Variants in RFC1 observed in about 807,000 individuals in gnomAD.
The protein encoded by RFC1 is A1 140 kDa subunit.
RFC1 carries 37 observed loss-of-function variants against 137.4 expected under a neutral mutation model. That is an observed-to-expected ratio of 0.27 (90% CI 0.21 to 0.35). The LOEUF is 0.35. RFC1 is among the 10% of genes least tolerant of loss of function. The pLI, the probability that RFC1 is intolerant of heterozygous loss-of-function variation, is 1.00. For missense variants in RFC1, 1,205 were observed against 1,358.5 expected, an observed-to-expected ratio of 0.89 and a Z score of 1.78; for synonymous variants, 429 against 455.7, an observed-to-expected ratio of 0.94 and a Z score of 0.75.
At chr4:39,291,939 G>A (rs1197699373) in intron 22 of RFC1, 87 bp from the exon 23 acceptor site, 22 of 942,512 alleles carry the variant, frequency 2.3e-5, no homozygotes, top group Non-Finnish European at 3.8e-5. Flanking sequence ...TAATCAGGCA[G>A]AGTTCAATCC....
intron 1 of RFC1, among the ~76,000 whole-genome samples, chr4:39,363,732 A>T (rs535741790): frequency 6.6e-6 from 1 of 152,098 alleles, no homozygotes; most frequent in South Asian, 2.1e-4. Context: ...TACTAAAAAT[A>T]AAAAAATAAA....
intron 22 of RFC1, among the ~76,000 whole-genome samples, chr4:39,293,712 G>A (rs1366393771): frequency 6.6e-6 from 1 of 152,226 alleles, no homozygotes; most frequent in East Asian, 1.9e-4. Flanking sequence ...TGAGGGAAGA[G>A]GACAGTGAAG....
At chr4:39,290,155 T>G in intron 23 of RFC1, 116 bp from the exon 24 acceptor site, 1 of 640,828 alleles carries the variant, frequency 1.6e-6, no homozygotes, top group Non-Finnish European at 2.7e-6. Context: ...AAAGTATTTA[T>G]GTATATACAT....
chr4:39,324,982 G>C (rs568888354), intron 6 of RFC1, among the ~76,000 whole-genome samples: 1 of 152,316 alleles, frequency 6.6e-6, no homozygotes, highest in East Asian at 1.9e-4. Context: ...GCTTCTGTAA[G>C]ATATCAACCT....
chr4:39,309,808 T>C (rs1177603432), intron 12 of RFC1, among the ~76,000 whole-genome samples: 1 of 152,214 alleles, frequency 6.6e-6, no homozygotes, highest in Non-Finnish European at 1.5e-5. Context: ...TAAGGGTGGA[T>C]TTTATAGTAT....
chr4:39,354,749 C>CAAAA (rs34342477), intron 1 of RFC1, among the ~76,000 whole-genome samples: 10 of 51,006 alleles, frequency 2.0e-4, no homozygotes, highest in East Asian at 7.0e-4. Context: ...GAAACTATCT[C>CAAAA]AAAAAAAAAA....
At chr4:39,365,462 C>G (rs1741977925) in intron 1 of RFC1, 1 of 985,084 alleles carries the variant, frequency 1.0e-6, no homozygotes, top group East Asian at 1.1e-4. Flanking sequence ...ATTGCCATAC[C>G]ATCAGGAATG....
At position 39,296,872 on chromosome 4, in the gene RFC1, A is replaced by G. The variant is rs770078657; in HGVS notation, c.2809-1113T>C. On this transcript the variant is annotated intron_variant, in intron 21 of 24. Transcript: ENST00000349703. ...GAACTAGTTTACAGTCCCACCAACA[A>G]TGTAAAAGTGTTCCTATTTCTCCAC... is the stretch of plus-strand genomic sequence containing the variant. 3.9e-4 allele frequency among the ~76,000 whole-genome samples: 59 copies of G among 150,748 alleles called. No individual in the cohort carries two copies. The East Asian group carries it at 0.01, about 26-fold the overall frequency.
At chr4:39,312,462 G>T (rs999252373) in intron 11 of RFC1, among the ~76,000 whole-genome samples, 1 of 151,886 alleles carries the variant, frequency 6.6e-6, no homozygotes, top group Non-Finnish European at 1.5e-5. Flanking sequence ...GAATACTTCG[G>T]ACTGGAAGAA....
chr4:39,345,139 T>C (rs1740784938), intron 3 of RFC1, among the ~76,000 whole-genome samples: 1 of 152,146 alleles, frequency 6.6e-6, no homozygotes, highest in Admixed American at 6.6e-5. Context: ...CTCAGCCTCC[T>C]GAGTAGCTGG....
At chr4:39,312,233 A>G (rs1441160236) in intron 11 of RFC1, among the ~76,000 whole-genome samples, 1 of 152,208 alleles carries the variant, frequency 6.6e-6, no homozygotes, top group Non-Finnish European at 1.5e-5. Flanking sequence ...AGTTAACACA[A>G]TAAGGACAGA....
chr4:39,309,364 TC>T (rs985848096), intron 12 of RFC1, among the ~76,000 whole-genome samples: 1 of 152,200 alleles, frequency 6.6e-6, no homozygotes, highest in African/African-American at 2.4e-5. Context: ...AGTTAATGCC[TC>T]GACAAAAACT....
At position 39,366,286 on chromosome 4, in the gene RFC1, G is replaced by T; in HGVS notation, c.-45C>A. 1 of 1,516,268 alleles carries T rather than the reference G, an allele frequency of 6.6e-7. No homozygotes were observed. Among genetic ancestry groups the T allele is most frequent in the Non-Finnish European group, 8.8e-7 (1 of 1,131,288 alleles). The allele number at this position is 1,516,268 out of a possible 1,614,324, so 93.9% of individuals were successfully genotyped here. On this transcript the variant is annotated 5_prime_UTR_variant, in exon 1 of 25. Transcript: ENST00000349703. ...CGCTGGCTGGCTGGCGGGTGGGCCG[G>T]TTGAGGAATCTGTTATCGAGGCTCA...
Position 39,297,078 on chromosome 4 carries a change from TCG to T in RFC1, c.2809-1321_2809-1320del, listed in dbSNP as rs1355708635. Among the ~76,000 whole-genome samples, 4 of 144,748 alleles carry T rather than the reference TCG, an allele frequency of 2.8e-5. No homozygotes were observed. In the East Asian group the frequency reaches 8.1e-4, roughly 29 times the overall value. 95.0% of individuals were successfully genotyped at this position (144,748 alleles called of 152,430 possible). On this transcript the variant is annotated intron_variant, in intron 21 of 24. Coordinates refer to ENST00000349703, the MANE Select transcript of RFC1 (RefSeq NM_002913.5). Reference sequence around the variant, plus strand: ...TTTGAGAAGTGTCTGTTCATGTCCTTCGCCCACTTTTTGATGGGGTTGTTTGT... The same window carrying T: ...TTTGAGAAGTGTCTGTTCATGTCCTTCCCACTTTTTGATGGGGTTGTTTGT...
intron 1 of RFC1, among the ~76,000 whole-genome samples, chr4:39,361,847 G>C (rs1261906202): frequency 6.6e-6 from 1 of 152,120 alleles, no homozygotes; most frequent in Non-Finnish European, 1.5e-5. Context: ...AGGAGATCGA[G>C]ACCATGGTAA....
intron 13 of RFC1, 148 bp from the exon 14 acceptor site, chr4:39,306,849 A>G: frequency 3.2e-6 from 2 of 618,182 alleles, no homozygotes; most frequent in Non-Finnish European, 5.8e-6. Context: ...ACAAAGCATA[A>G]ACAAGTTTCC....
chr4:39,363,954 C>A (rs190311524), intron 1 of RFC1, among the ~76,000 whole-genome samples: 1 of 149,404 alleles, frequency 6.7e-6, no homozygotes, highest in Non-Finnish European at 1.5e-5. Flanking sequence ...GTGGCTCATG[C>A]CTGTAATCTC....
intron 6 of RFC1, among the ~76,000 whole-genome samples, chr4:39,324,630 A>C (rs1487054582): frequency 6.6e-6 from 1 of 152,248 alleles, no homozygotes; most frequent in Non-Finnish European, 1.5e-5. Flanking sequence ...TCTCACAATA[A>C]TACTTATCAA....
intron 4 of RFC1, among the ~76,000 whole-genome samples, chr4:39,332,889 G>A (rs1208697743): frequency 6.6e-6 from 1 of 152,192 alleles, no homozygotes; most frequent in Non-Finnish European, 1.5e-5. Context: ...AGGCCAAGAC[G>A]GAAGGATCAC....
Sources: allele counts gnomAD v4.1 joint callset (sites outside exome capture counted in the v4.1 genomes callset), GRCh38; gene constraint gnomAD v4.1.1; transcripts MANE v1.5; gene names NCBI Gene and HGNC (gene_info 2026-07-23, HGNC 2026-07-21).